The following ANKRD12 variants were observed in gnomAD, a reference collection of about 807,000 sequenced individuals.
ANKRD12 encodes the protein ankyrin repeat domain-containing protein 12.
A neutral mutation model predicts 183.4 loss-of-function variants in ANKRD12; 85 were observed. That is an observed-to-expected ratio of 0.46 (90% CI 0.39 to 0.56). The LOEUF (loss-of-function observed/expected upper bound fraction) is 0.56, where lower values mean the gene tolerates loss of function less well. Ranked by LOEUF, ANKRD12 falls within the 20% of genes least tolerant of loss-of-function variation. ANKRD12 has a pLI of 0.00. For missense variants in ANKRD12, 2,405 were observed against 2,357.1 expected (o/e 1.02, Z -0.42); for synonymous variants, 914 against 800.2 (o/e 1.14, Z -2.40).
intron 1 of ANKRD12, among the ~76,000 whole-genome samples, chr18:9,171,975 G>A (rs371104720): frequency 2.7e-5 from 4 of 148,802 alleles, no homozygotes; most frequent in East Asian, 2.0e-4. Flanking sequence ...AGCTGGGATC[G>A]CACCATTGTA....
At chr18:9,146,651 C>T (rs1275358180) in intron 1 of ANKRD12, among the ~76,000 whole-genome samples, 1 of 152,192 alleles carries the variant, frequency 6.6e-6, no homozygotes, top group South Asian at 2.1e-4. Flanking sequence ...TTACTCTGTT[C>T]TGGTCCCTCA....
chr18:9,141,471 G>T (rs1009525816), intron 1 of ANKRD12, among the ~76,000 whole-genome samples: 1 of 152,164 alleles, frequency 6.6e-6, no homozygotes, highest in Admixed American at 6.5e-5. Flanking sequence ...TTAGAAAACA[G>T]TATCCAAGAC....
intron 1 of ANKRD12, among the ~76,000 whole-genome samples, chr18:9,173,653 C>T (rs1277328068): frequency 6.6e-6 from 1 of 151,538 alleles, no homozygotes; most frequent in Non-Finnish European, 1.5e-5. Flanking sequence ...GACCTGTTGC[C>T]AGCCTGGATG....
chr18:9,256,695 G>C lies in ANKRD12; in HGVS notation c.3428G>C (p.Ser1143Thr). The change falls in exon 9 of 13, where the codon AGT becomes ACT. Residue 1143 changes from serine (S) to threonine (T), a missense_variant. By Grantham distance (58) the Ser-to-Thr change is moderately conservative (BLOSUM62 1). Coordinates refer to ENST00000262126, the MANE Select transcript of ANKRD12 (RefSeq NM_015208.5). Reference sequence around the variant, plus strand: ...AATAAAGAACTTACTAGGTCAAAGAGTTCAGAAGTGACTGATGCATATACC... The same window carrying C: ...AATAAAGAACTTACTAGGTCAAAGACTTCAGAAGTGACTGATGCATATACC... ...SKNKELTRSKSSEVTDAYTKE... is the reference protein window; with the variant it reads ...SKNKELTRSKTSEVTDAYTKE... 6.2e-7 allele frequency: 1 copy of C among 1,608,650 alleles called. No homozygotes were observed. The highest frequency in any genetic ancestry group is 1.1e-5 in the South Asian group (1 of 89,748).
intron 10 of ANKRD12, among the ~76,000 whole-genome samples, chr18:9,270,161 G>T (rs2039516407): frequency 6.6e-6 from 1 of 152,196 alleles, no homozygotes. Context: ...TTACACTGTT[G>T]GTGGGACTGT....
chr18:9,147,025 A>T (rs2078514771), intron 1 of ANKRD12, among the ~76,000 whole-genome samples: 2 of 152,238 alleles, frequency 1.3e-5, no homozygotes, highest in Non-Finnish European at 2.9e-5. Context: ...TGTAAGTTAG[A>T]AATACTTTAT....
chr18:9,194,508 C>T (rs1422093942), intron 2 of ANKRD12, among the ~76,000 whole-genome samples: 1 of 152,008 alleles, frequency 6.6e-6, no homozygotes, highest in Non-Finnish European at 1.5e-5. Flanking sequence ...AGGCACCTGC[C>T]ACCACACCTG....
chr18:9,245,695 CAT>C (rs745760819), intron 8 of ANKRD12, among the ~76,000 whole-genome samples: 9 of 152,152 alleles, frequency 5.9e-5, no homozygotes, highest in African/African-American at 1.2e-4. Flanking sequence ...ATTTAAAACT[CAT>C]AAACACTTAT....
In ANKRD12 at chr18:9,254,364, A is replaced by G. The variant is rs2038475479; in HGVS notation, c.1097A>G (p.Asp366Gly). The G allele has an allele frequency of 6.2e-7, 1 of 1,610,974 alleles. No homozygotes were observed. Among genetic ancestry groups the G allele is most frequent in the African/African-American group, 1.3e-5 (1 of 74,900 alleles). ...SALDEYEFKD[D>G]DDEEINKMID... is the part of the protein sequence containing the mutation. ...CTTGATGAGTATGAGTTCAAAGATG[A>G]TGATGATGAAGAAATTAATAAGATG... is the stretch of plus-strand genomic sequence containing the variant. The change falls in exon 9 of 13, where the codon GAT (aspartate) becomes GGT (glycine). Residue 366 changes from aspartate (D) to glycine (G), a missense_variant. Coordinates refer to ENST00000262126, the MANE Select transcript of ANKRD12 (RefSeq NM_015208.5).
At chr18:9,270,596 C>G (rs1214179956) in intron 10 of ANKRD12, among the ~76,000 whole-genome samples, 3 of 152,110 alleles carry the variant, frequency 2.0e-5, no homozygotes, top group Non-Finnish European at 4.4e-5. Flanking sequence ...AGGGGAATGT[C>G]ACACACCAGG....
chr18:9,255,205 A>G lies in ANKRD12; in HGVS notation c.1938A>G (p.Glu646=), dbSNP rs2038530062. Residue 646 remains glutamate, a synonymous_variant, in exon 9 of 13, where the codon GAA becomes GAG. Coordinates refer to ENST00000262126, the MANE Select transcript of ANKRD12 (RefSeq NM_015208.5). ...GCACACTGAAAAAAATGGATAAAGA[A>G]GGTAAAACATTAAAAAAACATAAAT... ...SDCTLKKMDK[E]GKTLKKHKLK... 2 of 1,581,736 alleles carry G rather than the reference A, an allele frequency of 1.3e-6. No individual in the cohort carries two copies. The highest frequency in any genetic ancestry group is 1.7e-6 in the Non-Finnish European group (2 of 1,170,834).
chr18:9,142,460 A>G (rs2078351636), intron 1 of ANKRD12, among the ~76,000 whole-genome samples: 1 of 152,236 alleles, frequency 6.6e-6, no homozygotes, highest in Admixed American at 6.5e-5. Context: ...AAAGGAAGAG[A>G]AAGGAGAGAC....
chr18:9,215,259 A>G (rs1256077365), intron 6 of ANKRD12, among the ~76,000 whole-genome samples: 2 of 152,148 alleles, frequency 1.3e-5, no homozygotes, highest in Non-Finnish European at 2.9e-5. Flanking sequence ...GGGATTAGCT[A>G]ACTCTCCTGT....
rs771836190 is a variant in ANKRD12 at position 9,221,995 on chromosome 18, C to T, written c.939C>T (p.Tyr313=). 1 of 1,613,572 alleles carries T rather than the reference C, an allele frequency of 6.2e-7. No homozygotes were observed. The highest frequency in any genetic ancestry group is 1.7e-5 in the Admixed American group (1 of 59,966). The part of the protein sequence containing the change: ...EVPLSDDDES[Y]TDSEEAQSVN... ...CTTTATCTGATGATGATGAAAGTTA[C>T]ACAGGTTTGTTTCAGATAATCTACA... The change falls in exon 8 of 13, where the codon TAC becomes TAT. Residue 313 remains tyrosine, a synonymous_variant. Transcript: ENST00000262126.
chr18:9,218,384 T>C (rs1365620448), intron 7 of ANKRD12, among the ~76,000 whole-genome samples: 1 of 152,208 alleles, frequency 6.6e-6, no homozygotes, highest in East Asian at 1.9e-4. Context: ...TTCCTTTTAC[T>C]TGTGCGTTAG....
At chr18:9,206,522 A>G (rs905823137) in intron 4 of ANKRD12, among the ~76,000 whole-genome samples, 7 of 152,080 alleles carry the variant, frequency 4.6e-5, no homozygotes, top group African/African-American at 1.4e-4. Flanking sequence ...CAGTTTTAAC[A>G]CACAGTGTAG....
intron 3 of ANKRD12, among the ~76,000 whole-genome samples, chr18:9,198,549 AATG>A (rs36102541): frequency 0.034 from 5,184 of 152,198 alleles, 118 homozygotes; most frequent in Non-Finnish European, 0.055. Flanking sequence ...TTATTATAAT[AATG>A]ATAACTATTA....
At chr18:9,136,992 G>A (rs1275719511) in intron 1 of ANKRD12, 27 bp downstream of exon 1, 2 of 152,592 alleles carry the variant, frequency 1.3e-5, no homozygotes, top group Non-Finnish European at 2.9e-5. Context: ...GGGGCGTGGC[G>A]ACAGGAAAGG....
intron 1 of ANKRD12, among the ~76,000 whole-genome samples, chr18:9,175,173 C>T (rs2033147674): frequency 6.6e-6 from 1 of 152,120 alleles, no homozygotes; most frequent in Admixed American, 6.5e-5. Context: ...GCCTGGAACT[C>T]ACTAAATGCT....
Sources: allele counts gnomAD v4.1 joint callset (sites outside exome capture counted in the v4.1 genomes callset), GRCh38; gene constraint gnomAD v4.1.1; transcripts MANE v1.5; gene names NCBI Gene and HGNC (gene_info 2026-07-23, HGNC 2026-07-21).